Variants in AFF1 observed in about 807,000 individuals in gnomAD.
The protein encoded by AFF1 is AF4/FMR2 family member 1.
In AFF1, 48 loss-of-function variants were observed where a neutral mutation model predicts 121.7. That is an observed-to-expected ratio of 0.39 (90% CI 0.31 to 0.50). AFF1 has a LOEUF of 0.50. Among genes scored for constraint, AFF1 ranks in the 20% least tolerant of loss-of-function variants. The pLI is 0.76. For synonymous variants in AFF1, 613 were observed against 563.0 expected (o/e 1.09, Z -1.26); for missense variants, 1,523 against 1,511.7 (o/e 1.01, Z -0.12).
chr4:87,039,014 G>C (rs1278669400), intron 2 of AFF1, among the ~76,000 whole-genome samples: 1 of 152,164 alleles, frequency 6.6e-6, no homozygotes, highest in East Asian at 1.9e-4. Flanking sequence ...GCACCGAATG[G>C]CATTCAGCAA....
chr4:87,089,084 C>G (rs1219041108), intron 5 of AFF1, among the ~76,000 whole-genome samples: 1 of 151,750 alleles, frequency 6.6e-6, no homozygotes, highest in Admixed American at 6.6e-5. Context: ...AGGTCTGACA[C>G]ATGTGGGAAC....
intron 1 of AFF1, among the ~76,000 whole-genome samples, chr4:86,941,900 C>T (rs1176864247): frequency 2.0e-5 from 3 of 151,484 alleles, no homozygotes; most frequent in Non-Finnish European, 4.4e-5. Flanking sequence ...ACAAATACCA[C>T]AGACCCATGG....
intron 2 of AFF1, among the ~76,000 whole-genome samples, chr4:87,013,963 G>A (rs1352273924): frequency 6.6e-6 from 1 of 152,028 alleles, no homozygotes; most frequent in African/African-American, 2.4e-5. Flanking sequence ...AAACCATGTT[G>A]TATGATGCTA....
rs575646043 is a variant in AFF1 at position 87,136,520 on chromosome 4, C to T, written c.*819C>T. ...TTTCCTACCCCTGCCATTTCCCACC[C>T]CTGCTTCAGCGAAAGGGACTCTCTA... is the stretch of plus-strand genomic sequence containing the variant. On this transcript the variant is annotated 3_prime_UTR_variant, in exon 21 of 21. Transcript: ENST00000395146. 146 of 232,668 alleles carry T rather than the reference C, an allele frequency of 6.3e-4. No homozygotes were observed. Among genetic ancestry groups the T allele is most frequent in the African/African-American group, 3.1e-3 (140 of 45,412 alleles). 14.4% of individuals were successfully genotyped at this position (232,668 alleles called of 1,614,324 possible).
intron 2 of AFF1, among the ~76,000 whole-genome samples, chr4:87,019,890 G>GGC (rs1553918054): frequency 8.5e-6 from 1 of 117,544 alleles, no homozygotes; most frequent in African/African-American, 2.8e-5. Context: ...GGGTCGGGGG[G>GGC]GGGCAGTCTT....
intron 1 of AFF1, among the ~76,000 whole-genome samples, chr4:86,940,130 G>A (rs1720346178): frequency 6.6e-6 from 1 of 152,112 alleles, no homozygotes; most frequent in East Asian, 1.9e-4. Flanking sequence ...GACTAGCCTG[G>A]GCAACAAAGT....
intron 2 of AFF1, among the ~76,000 whole-genome samples, chr4:87,015,652 G>T (rs1363153415): frequency 3.3e-5 from 5 of 152,136 alleles, no homozygotes. Context: ...GCAGGGAGGG[G>T]CCTCCTCTTA....
In AFF1 at chr4:87,132,380, G is replaced by A. The variant is rs965718319; in HGVS notation, c.3283G>A (p.Ala1095Thr). 2.0e-5 allele frequency: 33 copies of A among 1,611,090 alleles called. No homozygotes were observed. Among genetic ancestry groups the A allele is most frequent in the South Asian group, 8.8e-5 (8 of 90,558 alleles). Residue 1095 changes from alanine to threonine, a missense_variant, in exon 19 of 21, where the codon GCC (alanine) becomes ACC (threonine). Transcript: ENST00000395146. ...ACACTTCGAGAGTTCTTCCAAAGTCGCCCAGGCACCTTCTCCATGCATTGC... is the reference window on the plus strand; with the variant it reads ...ACACTTCGAGAGTTCTTCCAAAGTCACCCAGGCACCTTCTCCATGCATTGC... ...NKHFESSSKV[A>T]QAPSPCIARS...
intron 2 of AFF1, among the ~76,000 whole-genome samples, chr4:86,985,494 C>T (rs1464968542): frequency 7.2e-6 from 1 of 138,116 alleles, no homozygotes; most frequent in East Asian, 2.1e-4. Context: ...CCGACAACAG[C>T]GAGACACTGT....
intron 2 of AFF1, among the ~76,000 whole-genome samples, chr4:87,017,543 A>G (rs961702619): frequency 2.0e-5 from 3 of 152,248 alleles, no homozygotes; most frequent in African/African-American, 7.2e-5. Flanking sequence ...CCAACTCCAC[A>G]ACTCATAAAC....
In AFF1 at chr4:87,046,905, C is replaced by T; in HGVS notation, c.370C>T (p.His124Tyr). ...CACTAGTGTCCACCACCAGTCCATT[C>T]ACACTCCTGCGTCTGGACCACTTTC... ...FHTSVHHQSI[H>Y]TPASGPLSVG... Residue 124 changes from histidine (H) to tyrosine (Y), a missense_variant, in exon 4 of 21, where the codon CAC (histidine) becomes TAC (tyrosine). By Grantham distance (83) the His-to-Tyr change is moderately conservative. Around this residue, in one of 5 missense-constraint regions of AFF1, gnomAD observed 369 missense variants for 367.2 expected, o/e 1.00. Transcript: ENST00000395146. 1.9e-6 allele frequency: 3 copies of T among 1,614,240 alleles called. No individual in the cohort carries two copies. The highest frequency in any genetic ancestry group is 1.1e-5 in the South Asian group (1 of 91,086).
In AFF1 at chr4:87,110,441, T is replaced by TTTTTGTTTTGTTTTG. The variant is rs70957206; in HGVS notation, c.1533+2159_1533+2173dup. 5.0e-3 allele frequency among the ~76,000 whole-genome samples: 717 copies of TTTTTGTTTTGTTTTG among 144,036 alleles called. 11 individuals are homozygous for TTTTTGTTTTGTTTTG. Among genetic ancestry groups the TTTTTGTTTTGTTTTG allele is most frequent in the African/African-American group, 0.018 (691 of 38,368 alleles). The allele number at this position is 144,036 out of a possible 152,430, so 94.5% of individuals were successfully genotyped here. On this transcript the variant is annotated intron_variant, in intron 11 of 20. Coordinates refer to ENST00000395146, the MANE Select transcript of AFF1 (RefSeq NM_001166693.3). ...GCAAATACTAGATCTTGTTCTGGTT[T>TTTTTGTTTTGTTTTG]TTTTGTTTTGTTTTGTTTTGTTTTG...
intron 2 of AFF1, among the ~76,000 whole-genome samples, chr4:87,038,230 A>G (rs1179132900): frequency 1.3e-5 from 2 of 152,178 alleles, no homozygotes; most frequent in African/African-American, 4.8e-5. Flanking sequence ...AGTTATTGAG[A>G]GTGAAAACCC....
Position 87,115,026 on chromosome 4 carries a change from C to T in AFF1, c.2193C>T (p.Cys731=), listed in dbSNP as rs1326558312. 6.2e-7 allele frequency: 1 copy of T among 1,611,920 alleles called. No individual in the cohort carries two copies. Among genetic ancestry groups the T allele is most frequent in the Non-Finnish European group, 8.5e-7 (1 of 1,179,516 alleles). ...HSGSGSRTSG[C]RQAVVVQEDS... is the part of the protein sequence containing the mutation. ...GCAGCGGCAGCAGGACTAGTGGCTG[C>T]CGCCAAGCCGTGGTGGTCCAGGAGG... Residue 731 remains cysteine (C), a synonymous_variant, in exon 12 of 21, where the codon TGC becomes TGT. Coordinates refer to ENST00000395146, the MANE Select transcript of AFF1 (RefSeq NM_001166693.3).
At chr4:86,989,353 C>T (rs907285323) in intron 2 of AFF1, among the ~76,000 whole-genome samples, 1 of 152,164 alleles carries the variant, frequency 6.6e-6, no homozygotes, top group Non-Finnish European at 1.5e-5. Flanking sequence ...ACAACACCAT[C>T]CAAAGGTGGG....
At chr4:87,127,807 C>T (rs1728443074) in intron 16 of AFF1, 104 bp downstream of exon 16, 6 of 1,171,032 alleles carry the variant, frequency 5.1e-6, no homozygotes, top group Admixed American at 2.0e-5. Flanking sequence ...AGCGTATGTG[C>T]GGTGGAAGGA....
intron 2 of AFF1, among the ~76,000 whole-genome samples, chr4:86,970,387 A>G (rs1722859139): frequency 1.3e-5 from 2 of 152,202 alleles, no homozygotes; most frequent in Non-Finnish European, 2.9e-5. Flanking sequence ...ATTTGAAAAA[A>G]TGAAGGAATG....
chr4:87,087,149 G>C (rs1380815665), intron 5 of AFF1, among the ~76,000 whole-genome samples: 2 of 152,216 alleles, frequency 1.3e-5, no homozygotes, highest in Non-Finnish European at 2.9e-5. Flanking sequence ...CATTACCTCA[G>C]TGCAGCATTT....
intron 16 of AFF1, among the ~76,000 whole-genome samples, chr4:87,127,906 T>TTA (rs778165693): frequency 6.6e-6 from 1 of 152,048 alleles, no homozygotes; most frequent in Non-Finnish European, 1.5e-5. Flanking sequence ...ACCTTAATGA[T>TTA]TAAGGGGTAG....
Sources: gnomAD v4.1 joint callset for allele counts (sites outside exome capture counted in the v4.1 genomes callset) on GRCh38, gnomAD v4.1.1 for gene constraint, gnomAD v4.1.1 regional missense constraint, MANE v1.5 for transcripts, NCBI Gene and HGNC (gene_info 2026-07-23, HGNC 2026-07-21) for gene names.